Variants in ARHGEF12 observed in about 807,000 individuals in gnomAD.
The protein encoded by ARHGEF12 is Rho guanine nucleotide exchange factor 12.
A neutral mutation model predicts 211.2 loss-of-function variants in ARHGEF12; 66 were observed. The ratio of observed to expected loss-of-function variants is 0.31; its 90% CI spans 0.26 to 0.38. The LOEUF is 0.38. Ranked by LOEUF, ARHGEF12 falls within the 10% of genes least tolerant of loss-of-function variation. The pLI is 1.00. For missense variants in ARHGEF12, 1,429 were observed against 1,869.5 expected (o/e 0.76, Z 4.34); for synonymous variants, 592 against 638.4 (o/e 0.93, Z 1.09).
rs1429108771 is a variant in ARHGEF12 at position 120,341,283 on chromosome 11, C to G, written c.32+4008C>G. On this transcript the variant is annotated intron_variant, in intron 1 of 40. Transcript: ENST00000397843. ...ATATTGGCCAGGCTGGTCTTGAACT[C>G]CTGACCTTAGGTGATCCACCCGTCT... Among the ~76,000 whole-genome samples the G allele has an allele frequency of 5.7e-5, 3 of 52,656 alleles. No individual in the cohort carries two copies. In the East Asian group the frequency reaches 1.1e-3, roughly 19 times the overall value. The allele number at this position is 52,656 out of a possible 152,430, so 34.5% of individuals were successfully genotyped here.
intron 1 of ARHGEF12, among the ~76,000 whole-genome samples, chr11:120,388,860 T>TA (rs1944120829): frequency 6.6e-6 from 1 of 152,088 alleles, no homozygotes; most frequent in Non-Finnish European, 1.5e-5. Flanking sequence ...TTTTATTTTT[T>TA]TTTTATTTTA....
In ARHGEF12 at chr11:120,412,618, C is replaced by T. The variant is rs188543242; in HGVS notation, c.199+3168C>T. ...GTCTCTCTTTATTTGATTGTTTTTT[C>T]CCTCCTGTTTTATACATGTAGGCAT... is the stretch of plus-strand genomic sequence containing the variant. On this transcript the variant is annotated intron_variant, in intron 4 of 40. Transcript: ENST00000397843. Among the ~76,000 whole-genome samples the T allele has an allele frequency of 5.0e-3, 762 of 152,042 alleles. 1 individual carries two copies. The highest frequency in any genetic ancestry group is 0.017 in the Middle Eastern group (5 of 294).
intron 1 of ARHGEF12, among the ~76,000 whole-genome samples, chr11:120,377,765 C>T (rs1943770092): frequency 6.6e-6 from 1 of 151,990 alleles, no homozygotes; most frequent in African/African-American, 2.4e-5. Context: ...TATCCATTGA[C>T]CTGTTGGTGG....
intron 4 of ARHGEF12, among the ~76,000 whole-genome samples, chr11:120,412,255 T>C (rs1229451889): frequency 6.6e-6 from 1 of 152,234 alleles, no homozygotes; most frequent in African/African-American, 2.4e-5. Flanking sequence ...GCTTAACCGC[T>C]GTCATGGTGT....
chr11:120,420,932 A>G (rs1316012983), intron 5 of ARHGEF12, 81 bp downstream of exon 5: 18 of 1,205,626 alleles, frequency 1.5e-5, no homozygotes, highest in Non-Finnish European at 1.8e-5. Context: ...ATTGCCAAGA[A>G]TAGAATAATT....
chr11:120,416,198 C>A (rs1945022333), intron 4 of ARHGEF12, among the ~76,000 whole-genome samples: 1 of 152,064 alleles, frequency 6.6e-6, no homozygotes, highest in African/African-American at 2.4e-5. Context: ...TCTCCGATGA[C>A]CTCCCTTTCT....
At chr11:120,375,622 A>G (rs1361384428) in intron 1 of ARHGEF12, among the ~76,000 whole-genome samples, 2 of 151,894 alleles carry the variant, frequency 1.3e-5, no homozygotes, top group Non-Finnish European at 2.9e-5. Context: ...GAGAAGCTAG[A>G]AAATAACATA....
At chr11:120,397,650 A>T (rs918807358) in intron 1 of ARHGEF12, among the ~76,000 whole-genome samples, 1 of 152,200 alleles carries the variant, frequency 6.6e-6, no homozygotes, top group East Asian at 1.9e-4. Flanking sequence ...GAAGTTCAAT[A>T]TATAGAATGA....
At chr11:120,460,818 T>G in intron 27 of ARHGEF12, 61 bp downstream of exon 27, 3 of 1,384,462 alleles carry the variant, frequency 2.2e-6, no homozygotes, top group Non-Finnish European at 3.1e-6. Flanking sequence ...TAGATTCAAG[T>G]TGAGTAACTA....
chr11:120,379,655 C>T (rs1489822582), intron 1 of ARHGEF12, among the ~76,000 whole-genome samples: 1 of 151,472 alleles, frequency 6.6e-6, no homozygotes, highest in Non-Finnish European at 1.5e-5. Context: ...TATGGCTTTT[C>T]TGTTTTCTTT....
chr11:120,415,453 A>C (rs1945001856), intron 4 of ARHGEF12, among the ~76,000 whole-genome samples: 1 of 152,196 alleles, frequency 6.6e-6, no homozygotes, highest in South Asian at 2.1e-4. Flanking sequence ...AAATTTGCTA[A>C]AACAAACAAA....
At chr11:120,399,979 G>A (rs1281552999) in intron 1 of ARHGEF12, among the ~76,000 whole-genome samples, 26 of 152,076 alleles carry the variant, frequency 1.7e-4, no homozygotes. Flanking sequence ...AGACTGAAAA[G>A]TAAACACTGT....
At chr11:120,480,722 A>AAGTCT (rs150215405) in intron 38 of ARHGEF12, among the ~76,000 whole-genome samples, 26,367 of 152,116 alleles carry the variant, frequency 0.17, 2,692 homozygotes, top group Non-Finnish European at 0.23. Context: ...TTCAGGAAGT[A>AAGTCT]TTAGGAAGAA....
At chr11:120,435,270 A>T (rs1332118411) in intron 11 of ARHGEF12, among the ~76,000 whole-genome samples, 1 of 152,042 alleles carries the variant, frequency 6.6e-6, no homozygotes, top group African/African-American at 2.4e-5. Flanking sequence ...TTTTCTAATT[A>T]TATTTTCATG....
At chr11:120,379,932 A>G (rs1943833003) in intron 1 of ARHGEF12, among the ~76,000 whole-genome samples, 1 of 151,942 alleles carries the variant, frequency 6.6e-6, no homozygotes, top group Non-Finnish European at 1.5e-5. Context: ...TTGTAATGTC[A>G]TTGCCTTGTT....
chr11:120,430,141 T>G (rs1241051941), intron 10 of ARHGEF12, among the ~76,000 whole-genome samples: 1 of 151,940 alleles, frequency 6.6e-6, no homozygotes, highest in Non-Finnish European at 1.5e-5. Flanking sequence ...TTTTTTGTGG[T>G]TCATTCTGCC....
intron 12 of ARHGEF12, 148 bp from the exon 13 acceptor site, chr11:120,439,981 C>T: frequency 1.6e-6 from 1 of 621,844 alleles, no homozygotes; most frequent in Non-Finnish European, 2.8e-6. Context: ...TGAACCCCTA[C>T]TTTGAAAATA....
intron 29 of ARHGEF12, among the ~76,000 whole-genome samples, chr11:120,468,124 A>G (rs7950904): frequency 4.0e-5 from 6 of 151,890 alleles, no homozygotes; most frequent in African/African-American, 1.5e-4. Context: ...TGTAATTCCA[A>G]CTCTCCCGTT....
Position 120,485,306 on chromosome 11 carries a change from CCTCA to C in ARHGEF12, c.*232_*235del, listed in dbSNP as rs571744620. 84 of 452,802 alleles carry C rather than the reference CCTCA, an allele frequency of 1.9e-4. No individual in the cohort carries two copies. The highest frequency in any genetic ancestry group is 2.8e-4 in the Non-Finnish European group (72 of 252,700). The allele number at this position is 452,802 out of a possible 1,614,324, so 28.0% of individuals were successfully genotyped here. ...AATATCCATTCCCTCACTCTACTCT[CCTCA>C]CTATCGGAAATTCATTTTGATTCAG... is the stretch of plus-strand genomic sequence containing the variant. On this transcript the variant is annotated 3_prime_UTR_variant, in exon 41 of 41. Transcript: ENST00000397843.
Sources: allele counts gnomAD v4.1 joint callset (sites outside exome capture counted in the v4.1 genomes callset), GRCh38; gene constraint gnomAD v4.1.1; transcripts MANE v1.5; gene names NCBI Gene and HGNC (gene_info 2026-07-23, HGNC 2026-07-21).